USH2A: variants seen among roughly 807,000 people sequenced by gnomAD.
USH2A encodes Usher syndrome 2A (autosomal recessive, mild).
Under a neutral mutation model 538.9 loss-of-function variants are expected in USH2A, and 443 were observed. The ratio of observed to expected loss-of-function variants is 0.82; its 90% confidence interval spans 0.76 to 0.89. The LOEUF (loss-of-function observed/expected upper bound fraction) is 0.89. Ranked by LOEUF, USH2A falls within the 40% of genes least tolerant of loss-of-function variation. The pLI, the probability that USH2A is intolerant of heterozygous loss-of-function variation, is 0.00. For missense variants in USH2A, 6,633 were observed against 6,324.8 expected (o/e 1.05, Z -1.65); for synonymous variants, 2,413 against 2,273.5 (o/e 1.06, Z -1.75).
rs145355299 is a variant in USH2A, at chr1:215,631,227, A to AGTGTGT, written c.15298-2198_15298-2193dup. On this transcript the variant is annotated intron_variant, in intron 70 of 71. Coordinates refer to ENST00000307340, the MANE Select transcript of USH2A (RefSeq NM_206933.4). ...CAGAGCTTGTCACATGAGGGGGAGA[A>AGTGTGT]GTGTGTGTGTGTGTGTGTGTGGGTG... Among the ~76,000 whole-genome samples the AGTGTGT allele has an allele frequency of 3.4e-3, 499 of 148,544 alleles. 4 individuals carry two copies. Among genetic ancestry groups the AGTGTGT allele is most frequent in the African/African-American group, 0.012 (483 of 40,618 alleles).
intron 64 of USH2A, among the ~76,000 whole-genome samples, chr1:215,660,713 A>C (rs1034585108): frequency 6.6e-6 from 1 of 152,246 alleles, no homozygotes; most frequent in African/African-American, 2.4e-5. Flanking sequence ...AGAGCAATTC[A>C]ATGGATTCTT....
rs1226569858 is a variant in USH2A, at chr1:216,013,348, C to T, written c.6326-12786G>A. Among the ~76,000 whole-genome samples, 8 of 151,190 alleles carry T rather than the reference C, an allele frequency of 5.3e-5. No individual in the cohort carries two copies. In the East Asian group the frequency reaches 1.6e-3, roughly 30 times the overall value. On this transcript the variant is annotated intron_variant, in intron 32 of 71. Transcript: ENST00000307340. ...CGCCCCTAATCCCGCTCGAAGCAGC[C>T]CTGAGAAACATCGCCCATTATCTCT...
At chr1:215,668,862 CTCT>C (rs2102659323) in intron 64 of USH2A, among the ~76,000 whole-genome samples, 1 of 152,284 alleles carries the variant, frequency 6.6e-6, no homozygotes, top group Non-Finnish European at 1.5e-5. Flanking sequence ...AAAACCCTGT[CTCT>C]ACTAAAAATA....
intron 61 of USH2A, among the ~76,000 whole-genome samples, chr1:215,704,378 T>C (rs1659119960): frequency 6.6e-6 from 1 of 152,224 alleles, no homozygotes; most frequent in African/African-American, 2.4e-5. Context: ...ATGGCATCCT[T>C]GGATGGAAAT....
At chr1:215,640,434 AG>A (rs1177256966) in intron 68 of USH2A, 123 bp downstream of exon 68, 3 of 1,268,206 alleles carry the variant, frequency 2.4e-6, no homozygotes, top group Admixed American at 1.9e-5. Flanking sequence ...TTTCACAAGA[AG>A]GGGGCACTTA....
intron 21 of USH2A, among the ~76,000 whole-genome samples, chr1:216,131,521 A>G (rs767045569): frequency 2.6e-5 from 4 of 152,056 alleles, no homozygotes; most frequent in Non-Finnish European, 5.9e-5. Flanking sequence ...ATTCTCCTAC[A>G]GTTAAAATGG....
chr1:215,984,512 G>A (rs1667825427), intron 35 of USH2A, among the ~76,000 whole-genome samples: 1 of 152,228 alleles, frequency 6.6e-6, no homozygotes, highest in Non-Finnish European at 1.5e-5. Context: ...AATTTTCACA[G>A]GGAAGCTGGA....
At chr1:216,109,620 T>C (rs1424054323) in intron 21 of USH2A, among the ~76,000 whole-genome samples, 1 of 152,208 alleles carries the variant, frequency 6.6e-6, no homozygotes, top group Non-Finnish European at 1.5e-5. Context: ...ATGAGTAATT[T>C]TGTGAGAACA....
At chr1:215,947,128 G>A (rs958864008) in intron 37 of USH2A, among the ~76,000 whole-genome samples, 8 of 150,492 alleles carry the variant, frequency 5.3e-5, no homozygotes, top group South Asian at 2.1e-4. Context: ...TGCAAACTCC[G>A]CCTCTCACGT....
chr1:215,709,479 CA>C (rs1659274921), intron 61 of USH2A, among the ~76,000 whole-genome samples: 2 of 151,366 alleles, frequency 1.3e-5, no homozygotes, highest in South Asian at 4.2e-4. Flanking sequence ...AGAAGAAAAA[CA>C]GAGCAAAATC....
At chr1:216,168,593 G>A (rs1030826135) in intron 21 of USH2A, among the ~76,000 whole-genome samples, 4 of 152,084 alleles carry the variant, frequency 2.6e-5, no homozygotes, top group African/African-American at 9.7e-5. Context: ...CTTCTTGCCT[G>A]GGGACCTGTC....
At chr1:216,422,648 T>C in intron 1 of USH2A, 108 bp from the exon 2 acceptor site, 2 of 325,034 alleles carry the variant, frequency 6.2e-6, no homozygotes, top group Non-Finnish European at 5.8e-6. Flanking sequence ...ACTACTGAAC[T>C]TCTCAAAAAA....
intron 4 of USH2A, among the ~76,000 whole-genome samples, chr1:216,331,526 AG>A (rs1446456257): frequency 6.6e-6 from 1 of 152,248 alleles, no homozygotes; most frequent in African/African-American, 2.4e-5. Context: ...AATAAGGCTA[AG>A]TAACAAATGT....
At chr1:215,835,739 A>G (rs1663461047) in intron 47 of USH2A, among the ~76,000 whole-genome samples, 1 of 152,126 alleles carries the variant, frequency 6.6e-6, no homozygotes, top group Admixed American at 6.5e-5. Flanking sequence ...TTCTCTGTGG[A>G]AAAAACAGTT....
intron 16 of USH2A, chr1:216,201,746 C>A (rs1164001921): frequency 4.4e-6 from 1 of 224,796 alleles, no homozygotes; most frequent in Non-Finnish European, 1.0e-5. Context: ...CAGAGATGAC[C>A]CTGATAGAGC....
chr1:215,790,059 C>T lies in USH2A; in HGVS notation c.10182G>A (p.Lys3394=), dbSNP rs751903445. The T allele has an allele frequency of 1.2e-6, 2 of 1,612,450 alleles. No individual in the cohort carries two copies. Among genetic ancestry groups the T allele is most frequent in the Non-Finnish European group, 1.7e-6 (2 of 1,179,776 alleles). Residue 3394 remains lysine, a splice_region_variant and synonymous_variant, in exon 51 of 72, where the codon AAG becomes AAA. Coordinates refer to ENST00000307340, the MANE Select transcript of USH2A (RefSeq NM_206933.4). ...SDKISTGMMM[K]ETKECRILCP... ...CTCCGAGAGCTTTTCTATCAATTAC[C>T]TTCATCATCATTCCAGTTGAAATCT...
At chr1:215,677,832 A>G (rs1658084532) in intron 62 of USH2A, among the ~76,000 whole-genome samples, 1 of 152,170 alleles carries the variant, frequency 6.6e-6, no homozygotes, top group African/African-American at 2.4e-5. Context: ...TTTATATAAC[A>G]TCCACCTGCT....
chr1:215,789,400 C>T (rs1265179868), intron 51 of USH2A, among the ~76,000 whole-genome samples: 1 of 152,140 alleles, frequency 6.6e-6, no homozygotes, highest in Non-Finnish European at 1.5e-5. Flanking sequence ...CAAATTACTA[C>T]AGAACACGGT....
intron 50 of USH2A, among the ~76,000 whole-genome samples, chr1:215,797,092 G>T (rs1468494284): frequency 6.6e-6 from 1 of 152,084 alleles, no homozygotes; most frequent in Non-Finnish European, 1.5e-5. Context: ...AAGACACTTT[G>T]AGTGGTCTGG....
Sources: gnomAD v4.1 joint callset for allele counts (sites outside exome capture counted in the v4.1 genomes callset) on GRCh38, gnomAD v4.1.1 for gene constraint, MANE v1.5 for transcripts, NCBI Gene and HGNC (gene_info 2026-07-23, HGNC 2026-07-21) for gene names.